Variants in RMDN1 observed in about 807,000 individuals in gnomAD.
The protein encoded by RMDN1 is regulator of microtubule dynamics protein 1.
A neutral mutation model predicts 48.9 loss-of-function variants in RMDN1; 48 were observed. The observed-to-expected ratio is 0.98, with a 90% CI of 0.78 to 1.25. RMDN1 has a LOEUF of 1.25. Ranked by LOEUF, RMDN1 falls within the 50% of genes most tolerant of loss-of-function variation. The pLI is 0.00. For synonymous variants in RMDN1, 148 were observed against 132.6 expected, an observed-to-expected ratio of 1.12 and a Z score of -0.80; for missense variants, 418 against 373.4, an observed-to-expected ratio of 1.12 and a Z score of -0.98.
intron 2 of RMDN1, among the ~76,000 whole-genome samples, chr8:86,491,472 T>C (rs775134091): frequency 6.6e-6 from 1 of 152,174 alleles, no homozygotes. Context: ...CAGACTGACA[T>C]AGGCACTCGG....
In RMDN1 at chr8:86,503,881, G is replaced by C. The variant is rs150513858; in HGVS notation, c.247+3114C>G. ...AATGCTTATCGTCAACCTGTTGGCT[G>C]TCTCTGGTGGCTGCCTTATGGGATT... On this transcript the variant is annotated intron_variant, in intron 2 of 9. Transcript: ENST00000406452. The C allele has an allele frequency of 9.5e-4, 626 of 660,718 alleles. 1 individual carries two copies. Among genetic ancestry groups the C allele is most frequent in the Admixed American group, 1.4e-3 (69 of 47,856 alleles). 40.9% of individuals were successfully genotyped at this position (660,718 alleles called of 1,614,324 possible).
intron 2 of RMDN1, among the ~76,000 whole-genome samples, chr8:86,502,415 T>G (rs1818402591): frequency 6.6e-6 from 1 of 152,102 alleles, no homozygotes; most frequent in East Asian, 1.9e-4. Flanking sequence ...TGAATTTTTG[T>G]AGAGATGGGG....
At chr8:86,482,807 T>G (rs745369581) in intron 5 of RMDN1, 8 of 981,698 alleles carry the variant, frequency 8.1e-6, no homozygotes, top group Non-Finnish European at 1.3e-5. Flanking sequence ...GAACCCAAAA[T>G]GGAGACGGAG....
In RMDN1 at chr8:86,473,134, A is replaced by G; in HGVS notation, c.*1174T>C. 2.0e-6 allele frequency: 2 copies of G among 985,372 alleles called. No individual in the cohort carries two copies. Among genetic ancestry groups the G allele is most frequent in the Non-Finnish European group, 2.4e-6 (2 of 829,876 alleles). 61.0% of individuals were successfully genotyped at this position (985,372 alleles called of 1,614,324 possible). ...GAATCTAAGAGATGGGTATACAAAGATCACTACTTTCAGTTTTCCTTTTTG... is the reference window on the plus strand; with the variant it reads ...GAATCTAAGAGATGGGTATACAAAGGTCACTACTTTCAGTTTTCCTTTTTG... On this transcript the variant is annotated 3_prime_UTR_variant, in exon 10 of 10. Transcript: ENST00000406452.
chr8:86,503,366 C>CAAAAAAAAAAAAAA lies in RMDN1; in HGVS notation c.247+3628_247+3629insTTTTTTTTTTTTTT, dbSNP rs1354324383. ...GACTCCGTCTCAAAACAAAACAAAA[C>CAAAAAAAAAAAAAA]AAAACAAAAAAAAAAAAAAAAAACA... On this transcript the variant is annotated intron_variant, in intron 2 of 9. Coordinates refer to ENST00000406452, the MANE Select transcript of RMDN1 (RefSeq NM_016033.3). Among the ~76,000 whole-genome samples, 442 of 69,222 alleles carry CAAAAAAAAAAAAAA rather than the reference C, an allele frequency of 6.4e-3. 8 individuals carry two copies. Among genetic ancestry groups the CAAAAAAAAAAAAAA allele is most frequent in the African/African-American group, 0.011 (284 of 25,710 alleles). The allele number at this position is 69,222 out of a possible 152,430, so 45.4% of individuals were successfully genotyped here.
intron 2 of RMDN1, chr8:86,504,559 C>A: frequency 7.7e-7 from 1 of 1,294,112 alleles, no homozygotes; most frequent in Non-Finnish European, 1.1e-6. Context: ...CCTATTTCTG[C>A]TGCAAAGGGC....
At chr8:86,510,824 A>G (rs929662156), upstream of RMDN1, among the ~76,000 whole-genome samples, 14 of 152,182 alleles carry the variant, frequency 9.2e-5, no homozygotes, top group African/African-American at 2.9e-4. Flanking sequence ...TGGAAGTTTG[A>G]TAACCTTAAG....
At chr8:86,507,552 C>T (rs1219690525) in intron 1 of RMDN1, among the ~76,000 whole-genome samples, 2 of 152,164 alleles carry the variant, frequency 1.3e-5, no homozygotes, top group African/African-American at 4.8e-5. Context: ...GTTGCCCAGG[C>T]TGGTTTCAAA....
chr8:86,497,609 G>A (rs1586733476), intron 2 of RMDN1, among the ~76,000 whole-genome samples: 1 of 151,496 alleles, frequency 6.6e-6, no homozygotes, highest in Admixed American at 6.6e-5. Flanking sequence ...GCCAAGGCAG[G>A]AGAATTGCTT....
At chr8:86,504,630 G>C in intron 2 of RMDN1, 1 of 904,854 alleles carries the variant, frequency 1.1e-6, no homozygotes, top group East Asian at 2.4e-5. Flanking sequence ...CCATGCTCAT[G>C]ACTGTTTGTT....
At chr8:86,469,412 C>T (rs1464146767), downstream of RMDN1, among the ~76,000 whole-genome samples, 1 of 152,142 alleles carries the variant, frequency 6.6e-6, no homozygotes, top group Non-Finnish European at 1.5e-5. Context: ...AAAGCCACAG[C>T]TTTGGGCATA....
intron 2 of RMDN1, chr8:86,504,585 G>C (rs1180411189): frequency 9.4e-7 from 1 of 1,064,320 alleles, no homozygotes; most frequent in Non-Finnish European, 1.5e-6. Context: ...GGCGGACCCT[G>C]CATATGATAG....
In RMDN1 at chr8:86,486,471, T is replaced by C; in HGVS notation, c.495+13A>G. The C allele has an allele frequency of 6.3e-7, 1 of 1,575,306 alleles. No homozygotes were observed. The highest frequency in any genetic ancestry group is 2.3e-5 in the East Asian group (1 of 44,442). ...TCTCAGTACATGGTTAATAGCTTAG[T>C]TAAGCAACTCACCTTATGAGATGCA... On this transcript the variant is annotated intron_variant, in intron 4 of 9. Transcript: ENST00000406452.
upstream of RMDN1, among the ~76,000 whole-genome samples, chr8:86,512,356 A>AACTAAAACACTTGTTTTT (rs1472112128): frequency 6.6e-6 from 1 of 152,174 alleles, no homozygotes; most frequent in Non-Finnish European, 1.5e-5. Flanking sequence ...CTTTAGTAAA[A>AACTAAAACACTTGTTTTT]ACTAAAACAC....
chr8:86,506,890 T>C, intron 2 of RMDN1, 105 bp downstream of exon 2: 2 of 648,900 alleles, frequency 3.1e-6, no homozygotes, highest in Non-Finnish European at 5.5e-6. Flanking sequence ...TCCATATGGA[T>C]TTTCTATTAT....
intron 2 of RMDN1, among the ~76,000 whole-genome samples, chr8:86,492,416 G>A (rs1012977942): frequency 1.3e-5 from 2 of 151,990 alleles, no homozygotes; most frequent in African/African-American, 4.8e-5. Context: ...ACTTTGGGAG[G>A]CCAAGGCGGG....
chr8:86,493,924 A>G lies in RMDN1; in HGVS notation c.248-5285T>C, dbSNP rs143919719. Among the ~76,000 whole-genome samples the G allele has an allele frequency of 2.0e-3, 297 of 152,252 alleles. 3 individuals are homozygous for G. Among genetic ancestry groups the G allele is most frequent in the African/African-American group, 6.6e-3 (276 of 41,540 alleles). The stretch of plus-strand genomic sequence containing the variant: ...TCCAAAACAATCCAAAATCGGAAAC[A>G]CTTCTAGTCCCAAGCAGTTTGGATA... On this transcript the variant is annotated intron_variant, in intron 2 of 9. Coordinates refer to ENST00000406452, the MANE Select transcript of RMDN1 (RefSeq NM_016033.3).
At chr8:86,489,886 GA>G (rs1330449558) in intron 2 of RMDN1, among the ~76,000 whole-genome samples, 1 of 150,896 alleles carries the variant, frequency 6.6e-6, no homozygotes, top group Non-Finnish European at 1.5e-5. Flanking sequence ...TTAGCAAAAA[GA>G]AAAATACAAT....
At chr8:86,506,963 C>CT (rs773916114) in intron 2 of RMDN1, 32 bp downstream of exon 2, 127 of 1,189,050 alleles carry the variant, frequency 1.1e-4, no homozygotes, top group Non-Finnish European at 1.4e-4. Context: ...CAAAAAAACT[C>CT]TAAATGTTCC....
Sources: allele counts gnomAD v4.1 joint callset (sites outside exome capture counted in the v4.1 genomes callset), GRCh38; gene constraint gnomAD v4.1.1; transcripts MANE v1.5; gene names NCBI Gene and HGNC (gene_info 2026-07-23, HGNC 2026-07-21).